The following AAGAB variants were observed in gnomAD, a reference collection of about 807,000 sequenced individuals.
The protein encoded by AAGAB is alpha- and gamma-adaptin-binding protein p34.
Under a neutral mutation model 44.1 loss-of-function variants are expected in AAGAB, and 38 were observed. The observed-to-expected ratio is 0.86, with a 90% confidence interval of 0.67 to 1.13. The LOEUF (loss-of-function observed/expected upper bound fraction) is 1.13, where lower values mean the gene tolerates loss of function less well. Ranked by LOEUF, AAGAB falls within the 50% of genes most tolerant of loss-of-function variation. The pLI is 0.00. For synonymous variants in AAGAB, 131 were observed against 131.8 expected, an observed-to-expected ratio of 0.99 and a Z score of 0.04; for missense variants, 450 against 373.8, an observed-to-expected ratio of 1.20 and a Z score of -1.68.
intron 5 of AAGAB, among the ~76,000 whole-genome samples, chr15:67,222,952 G>A (rs151117676): frequency 3.3e-5 from 5 of 152,236 alleles, no homozygotes; most frequent in Non-Finnish European, 5.9e-5. Context: ...CTAAATCCAA[G>A]GGTCAACTCT....
intron 1 of AAGAB, among the ~76,000 whole-genome samples, chr15:67,243,555 AG>A (rs1209796832): frequency 6.6e-6 from 1 of 152,172 alleles, no homozygotes; most frequent in African/African-American, 2.4e-5. Flanking sequence ...TAGTGAGTAG[AG>A]GTCAAAAATA....
chr15:67,211,970 C>T (rs1056161600), intron 5 of AAGAB, among the ~76,000 whole-genome samples: 1 of 151,964 alleles, frequency 6.6e-6, no homozygotes, highest in South Asian at 2.1e-4. Flanking sequence ...AGCTCCGCCT[C>T]CTGGGTTCAC....
chr15:67,209,086 G>A (rs1963749879), intron 6 of AAGAB, among the ~76,000 whole-genome samples: 1 of 152,218 alleles, frequency 6.6e-6, no homozygotes, highest in Non-Finnish European at 1.5e-5. Context: ...TAAGGATGCA[G>A]GGTTGAAACT....
intron 5 of AAGAB, among the ~76,000 whole-genome samples, chr15:67,222,339 C>G (rs1964103420): frequency 6.7e-6 from 1 of 150,172 alleles, no homozygotes; most frequent in African/African-American, 2.4e-5. Context: ...AAGTTGGGTC[C>G]CTTAATGCTG....
intron 1 of AAGAB, among the ~76,000 whole-genome samples, chr15:67,249,652 C>T (rs1964816061): frequency 6.6e-6 from 1 of 152,076 alleles, no homozygotes; most frequent in African/African-American, 2.4e-5. Context: ...ATTTTAAAAC[C>T]GTTTAGGGGT....
chr15:67,227,445 A>G (rs1964230624), intron 5 of AAGAB, among the ~76,000 whole-genome samples: 1 of 152,358 alleles, frequency 6.6e-6, no homozygotes, highest in Admixed American at 6.5e-5. Context: ...ACTGAAATGC[A>G]TATTTTAAAT....
At chr15:67,231,457 C>T (rs1964332979) in intron 5 of AAGAB, among the ~76,000 whole-genome samples, 4 of 152,206 alleles carry the variant, frequency 2.6e-5, no homozygotes, top group Admixed American at 2.6e-4. Context: ...CTGTACTCAT[C>T]ACAGATTGCC....
rs143309160 is a variant in AAGAB, at chr15:67,229,515, A to G, written c.535+2299T>C. 4.5e-3 allele frequency among the ~76,000 whole-genome samples: 691 copies of G among 152,168 alleles called. 7 individuals carry two copies. The highest frequency in any genetic ancestry group is 0.016 in the African/African-American group (669 of 41,506). The stretch of plus-strand genomic sequence containing the variant: ...TCTTTCTAGATCTATCTAGATTGCT[A>G]CATCAATAAAATAGAATCTAGCACC... On this transcript the variant is annotated intron_variant, in intron 5 of 9. Coordinates refer to ENST00000261880, the MANE Select transcript of AAGAB (RefSeq NM_024666.5).
At position 67,243,519 on chromosome 15, in the gene AAGAB, C is replaced by T. The variant is rs528389914; in HGVS notation, c.74-6699G>A. Among the ~76,000 whole-genome samples, 10 of 152,260 alleles carry T rather than the reference C, an allele frequency of 6.6e-5. No individual in the cohort carries two copies. The East Asian group carries it at 1.9e-3, about 29-fold the overall frequency. On this transcript the variant is annotated intron_variant, in intron 1 of 9. Coordinates refer to ENST00000261880, the MANE Select transcript of AAGAB (RefSeq NM_024666.5). ...AACACCTTTAGACATTTTTGGTCAT[C>T]ACAATAGGGGGATGCCACTAGCATC...
At chr15:67,217,936 G>C (rs534075510) in intron 5 of AAGAB, among the ~76,000 whole-genome samples, 1 of 152,176 alleles carries the variant, frequency 6.6e-6, no homozygotes, top group Non-Finnish European at 1.5e-5. Context: ...AAGTAACAAG[G>C]GGGATACATG....
At chr15:67,254,446 G>A in intron 1 of AAGAB, 113 bp downstream of exon 1, 2 of 1,459,820 alleles carry the variant, frequency 1.4e-6, no homozygotes, top group Non-Finnish European at 1.8e-6. Flanking sequence ...CTGACTGGAG[G>A]AAGAACGCAG....
chr15:67,208,108 C>G (rs1335338507), intron 7 of AAGAB, among the ~76,000 whole-genome samples: 1 of 152,006 alleles, frequency 6.6e-6, no homozygotes, highest in Non-Finnish European at 1.5e-5. Flanking sequence ...GCTAGATGTC[C>G]TTGGACAAGT....
intron 1 of AAGAB, among the ~76,000 whole-genome samples, chr15:67,251,146 A>G (rs1964859053): frequency 6.6e-6 from 1 of 152,228 alleles, no homozygotes; most frequent in East Asian, 1.9e-4. Context: ...ACAAAAAGAA[A>G]AAGTTTCTAA....
chr15:67,246,630 CCAA>C (rs1964730396), intron 1 of AAGAB, among the ~76,000 whole-genome samples: 3 of 151,802 alleles, frequency 2.0e-5, no homozygotes, highest in Non-Finnish European at 4.4e-5. Flanking sequence ...TGTAAACACA[CCAA>C]TCAGCACTCT....
intron 1 of AAGAB, chr15:67,254,305 G>T: frequency 1.9e-6 from 2 of 1,027,768 alleles, no homozygotes; most frequent in South Asian, 2.2e-5. Flanking sequence ...CTGTGGCCTG[G>T]GCTGAGCAGA....
upstream of AAGAB, chr15:67,254,881 G>A: frequency 1.2e-6 from 2 of 1,612,886 alleles, no homozygotes; most frequent in Non-Finnish European, 8.5e-7. Context: ...GGAGGTAGCC[G>A]TTCCCTGACC....
Position 67,202,569 on chromosome 15 carries a change from A to G in AAGAB, c.*252T>C. The G allele has an allele frequency of 4.3e-6, 2 of 468,512 alleles. No homozygotes were observed. The highest frequency in any genetic ancestry group is 7.6e-6 in the Non-Finnish European group (2 of 261,882). The allele number at this position is 468,512 out of a possible 1,614,324, so 29.0% of individuals were successfully genotyped here. A position where few individuals can be genotyped will look rare whatever the true frequency, so the allele number is the denominator to read the frequency against. ...AGATTTATCCTACCCTCATTCCTAG[A>G]ACAAAAAAAAAGTATATTTAAGAAA... On this transcript the variant is annotated 3_prime_UTR_variant, in exon 10 of 10. Coordinates refer to ENST00000261880, the MANE Select transcript of AAGAB (RefSeq NM_024666.5).
chr15:67,215,231 C>T (rs115169974), intron 5 of AAGAB, among the ~76,000 whole-genome samples: 1 of 152,264 alleles, frequency 6.6e-6, no homozygotes, highest in African/African-American at 2.4e-5. Context: ...CAGACATGGA[C>T]AATCGCTAAT....
At position 67,225,247 on chromosome 15, in the gene AAGAB, G is replaced by A. The variant is rs116790556; in HGVS notation, c.535+6567C>T. Among the ~76,000 whole-genome samples the A allele has an allele frequency of 5.7e-3, 861 of 152,262 alleles. 6 individuals carry two copies. The highest frequency in any genetic ancestry group is 0.02 in the African/African-American group (815 of 41,530). On this transcript the variant is annotated intron_variant, in intron 5 of 9. Coordinates refer to ENST00000261880, the MANE Select transcript of AAGAB (RefSeq NM_024666.5). ...GGCTCCACTGAGCCTAACTCATATGGCTTTTGTGAGGATTAAATAAGATTT... is the reference window on the plus strand; with the variant it reads ...GGCTCCACTGAGCCTAACTCATATGACTTTTGTGAGGATTAAATAAGATTT...
Sources: gnomAD v4.1 joint callset for allele counts (sites outside exome capture counted in the v4.1 genomes callset) on GRCh38, gnomAD v4.1.1 for gene constraint, MANE v1.5 for transcripts, NCBI Gene and HGNC (gene_info 2026-07-23, HGNC 2026-07-21) for gene names.